The following FAT4 variants were observed in gnomAD, a reference collection of about 807,000 sequenced individuals.
FAT4 encodes the protein FAT atypical cadherin 4.
A neutral mutation model predicts 303.9 loss-of-function variants in FAT4; 84 were observed. The ratio of observed to expected loss-of-function variants is 0.28; its 90% CI spans 0.23 to 0.33. The LOEUF (loss-of-function observed/expected upper bound fraction) is 0.33. FAT4 is among the 10% of genes least tolerant of loss of function. FAT4 has a pLI of 1.00. For synonymous variants in FAT4, 2,307 were observed against 2,298.8 expected (o/e 1.00, Z -0.10); for missense variants, 6,005 against 6,146.8 (o/e 0.98, Z 0.77).
In FAT4 at chr4:125,404,254, C is replaced by T. The variant is rs966971078; in HGVS notation, c.5308-2626C>T. ...GGAAATGAAGCCTCAGTCTCTTGGG[C>T]CCCAACTGTATTCACAATCTGCCTT... On this transcript the variant is annotated intron_variant, in intron 3 of 17. Transcript: ENST00000394329. 6.6e-5 allele frequency among the ~76,000 whole-genome samples: 10 copies of T among 152,090 alleles called. No individual in the cohort carries two copies. The East Asian group carries it at 1.9e-3, about 30-fold the overall frequency.
chr4:125,457,483 A>G (rs1578668332), intron 10 of FAT4, among the ~76,000 whole-genome samples: 1 of 152,120 alleles, frequency 6.6e-6, no homozygotes, highest in African/African-American at 2.4e-5. Flanking sequence ...AGTGATTTAG[A>G]GGGAATGAAT....
chr4:125,390,770 C>T (rs961391518), intron 2 of FAT4, among the ~76,000 whole-genome samples: 4 of 152,076 alleles, frequency 2.6e-5, no homozygotes, highest in Non-Finnish European at 5.9e-5. Context: ...CAGAGATGGG[C>T]AATGTGTAGG....
Position 125,317,254 on chromosome 4 carries a change from C to T in FAT4, c.843C>T (p.Thr281=). The change falls in exon 2 of 18, where the codon ACC becomes ACT. Residue 281 remains threonine, a synonymous_variant. Transcript: ENST00000394329. The surrounding 1 kb of genome is among the most constrained non-coding windows in gnomAD (Gnocchi z 7.0). ...CGGCGGCGGACGCGGACGAGGGCACCAACGCGGACATCCGCTATCGCCTGC... is the reference window on the plus strand; with the variant it reads ...CGGCGGCGGACGCGGACGAGGGCACTAACGCGGACATCCGCTATCGCCTGC... ...QVAAADADEG[T]NADIRYRLQD... The T allele has an allele frequency of 6.3e-7, 1 of 1,579,814 alleles. No homozygotes were observed. The highest frequency in any genetic ancestry group is 8.6e-7 in the Non-Finnish European group (1 of 1,160,692).
chr4:125,393,939 G>A (rs1381188054), intron 2 of FAT4: 4 of 779,948 alleles, frequency 5.1e-6, no homozygotes, highest in Non-Finnish European at 9.6e-6. Context: ...TACCTAAATG[G>A]TAACAACGGT....
chr4:125,405,502 A>G (rs1402561385), intron 3 of FAT4, among the ~76,000 whole-genome samples: 1 of 150,376 alleles, frequency 6.6e-6, no homozygotes, highest in Non-Finnish European at 1.5e-5. Flanking sequence ...AGTATTTTTT[A>G]TATACTTGTT....
chr4:125,486,659 C>A (rs1727423340), intron 16 of FAT4, among the ~76,000 whole-genome samples: 1 of 152,142 alleles, frequency 6.6e-6, no homozygotes, highest in Non-Finnish European at 1.5e-5. Flanking sequence ...TGGGAGCACC[C>A]TGTTACCCAA....
chr4:125,377,006 A>C (rs1201842353), intron 2 of FAT4, among the ~76,000 whole-genome samples: 1 of 152,176 alleles, frequency 6.6e-6, no homozygotes, highest in African/African-American at 2.4e-5. Flanking sequence ...GAGCATAGTA[A>C]ATTTTCTCTT....
At chr4:125,370,200 G>A (rs1733053148) in intron 2 of FAT4, among the ~76,000 whole-genome samples, 1 of 151,834 alleles carries the variant, frequency 6.6e-6, no homozygotes, top group African/African-American at 2.4e-5. Context: ...TGTAAAATCA[G>A]GATGGAAATA....
At chr4:125,487,246 T>C in intron 16 of FAT4, 99 bp from the exon 17 acceptor site, 1 of 1,011,096 alleles carries the variant, frequency 9.9e-7, no homozygotes, top group Non-Finnish European at 1.4e-6. Context: ...CTATTCTATC[T>C]GCTGTGGACT....
chr4:125,491,592 C>T lies in FAT4; in HGVS notation c.14776C>T (p.Gln4926Ter). The T allele has an allele frequency of 6.2e-7, 1 of 1,614,200 alleles. No individual in the cohort carries two copies. Among genetic ancestry groups the T allele is most frequent in the African/African-American group, 1.3e-5 (1 of 75,062 alleles). The change falls in exon 18 of 18, where the codon CAA (glutamine) becomes TAA (stop). Residue 4926 changes from glutamine (Q) to a stop codon, truncating the protein, a stop_gained. Transcript: ENST00000394329. LOFTEE classifies it high-confidence loss of function. Reference sequence around the variant, plus strand: ...CACACTGCCCATGAAGCTAGGGCAGCAAGCAGGGACTTTCAACTGGGACAA... The same window carrying T: ...CACACTGCCCATGAAGCTAGGGCAGTAAGCAGGGACTTTCAACTGGGACAA... ...DNTLPMKLGQ[Q>*]AGTFNWDNLL...
chr4:125,346,203 T>A (rs1473010717), intron 2 of FAT4, among the ~76,000 whole-genome samples: 1 of 152,064 alleles, frequency 6.6e-6, no homozygotes, highest in Non-Finnish European at 1.5e-5. Flanking sequence ...TAAATGCAAA[T>A]CTTGGAAAGC....
Position 125,490,672 on chromosome 4 carries a change from T to C in FAT4, c.13856T>C (p.Ile4619Thr). 6.2e-7 allele frequency: 1 copy of C among 1,614,116 alleles called. No homozygotes were observed. Among genetic ancestry groups the C allele is most frequent in the Non-Finnish European group, 8.5e-7 (1 of 1,180,020 alleles). Residue 4619 changes from isoleucine to threonine, a missense_variant, in exon 18 of 18, where the codon ATA becomes ACA. Transcript: ENST00000394329. ...SAPLASPEQE[I>T]EHYDIDNASS... The stretch of plus-strand genomic sequence containing the variant: ...CCTTTGGCATCTCCAGAGCAGGAGA[T>C]AGAGCACTATGACATTGACAACGCC...
chr4:125,460,516 A>G (rs1045232443), intron 10 of FAT4, among the ~76,000 whole-genome samples: 2 of 151,902 alleles, frequency 1.3e-5, no homozygotes, highest in African/African-American at 4.8e-5. Flanking sequence ...GCTCCCACTT[A>G]TAAGTGAGAA....
In FAT4 at chr4:125,481,722, A is replaced by G. The variant is rs763019614; in HGVS notation, c.12806A>G (p.Asn4269Ser). The G allele has an allele frequency of 4.3e-6, 7 of 1,613,830 alleles. No individual in the cohort carries two copies. Among genetic ancestry groups the G allele is most frequent in the Non-Finnish European group, 5.9e-6 (7 of 1,179,850 alleles). ...GVLIHIQESS[N>S]YTTVKIKNGK... The stretch of plus-strand genomic sequence containing the variant: ...TTAATCCATATCCAAGAAAGCAGCA[A>G]TTACACTACTGTGAAGGTGAGATAA... The change falls in exon 16 of 18, where the codon AAT (asparagine) becomes AGT (serine). Residue 4269 changes from asparagine (N) to serine (S), a missense_variant. Asn to Ser is a conservative substitution (Grantham distance 46). Transcript: ENST00000394329.
At chr4:125,340,317 A>T (rs998180867) in intron 2 of FAT4, among the ~76,000 whole-genome samples, 3 of 152,202 alleles carry the variant, frequency 2.0e-5, no homozygotes, top group Admixed American at 2.0e-4. Context: ...AAGTTCTTGA[A>T]ACATATTTTA....
chr4:125,446,971 G>A (rs927110343), intron 9 of FAT4, among the ~76,000 whole-genome samples: 2 of 151,824 alleles, frequency 1.3e-5, no homozygotes, highest in Non-Finnish European at 2.9e-5. Context: ...GTTTGTCAGT[G>A]GAAAATGAAT....
chr4:125,387,501 C>T (rs1733799729), intron 2 of FAT4, among the ~76,000 whole-genome samples: 1 of 151,984 alleles, frequency 6.6e-6, no homozygotes, highest in South Asian at 2.1e-4. Context: ...TTTAAATTTT[C>T]TATTCTTAAA....
rs1391913928 is a variant in FAT4, at chr4:125,317,160, T to A, written c.749T>A (p.Phe250Tyr). The A allele has an allele frequency of 6.2e-7, 1 of 1,607,584 alleles. No homozygotes were observed. Among genetic ancestry groups the A allele is most frequent in the Admixed American group, 1.7e-5 (1 of 59,872 alleles). Reference protein sequence around the residue: ...VQDINDNPPVFGSSHYQAGVP... With the variant: ...VQDINDNPPVYGSSHYQAGVP... ...GACATTAATGACAACCCCCCGGTTT[T>A]TGGCAGTTCTCACTACCAGGCGGGG... is the stretch of plus-strand genomic sequence containing the variant. The change falls in exon 2 of 18, where the codon TTT (phenylalanine) becomes TAT (tyrosine). Residue 250 changes from phenylalanine to tyrosine, a missense_variant. Phe to Tyr is a conservative substitution (Grantham distance 22). Coordinates refer to ENST00000394329, the MANE Select transcript of FAT4 (RefSeq NM_001291303.3). This position sits in a 1 kb window ranked among gnomAD's most constrained non-coding sequence, Gnocchi z 7.0.
In FAT4 at chr4:125,449,943, G is replaced by C. The variant is rs1471474939; in HGVS notation, c.8933G>C (p.Ser2978Thr). The change falls in exon 10 of 18, where the codon AGT becomes ACT. Residue 2978 changes from serine (S) to threonine (T), a missense_variant. Physicochemically the swap from Ser to Thr is moderately conservative, Grantham distance 58. Coordinates refer to ENST00000394329, the MANE Select transcript of FAT4 (RefSeq NM_001291303.3). The stretch of plus-strand genomic sequence containing the variant: ...ACAGTTACCATCAATATAGTGGACA[G>C]TAATGACAATGCACCTCAATTTCTT... ...ETTVTINIVD[S>T]NDNAPQFLKS... 1 of 1,613,840 alleles carries C rather than the reference G, an allele frequency of 6.2e-7. No homozygotes were observed. Among genetic ancestry groups the C allele is most frequent in the Non-Finnish European group, 8.5e-7 (1 of 1,179,904 alleles).
Sources: allele counts gnomAD v4.1 joint callset (sites outside exome capture counted in the v4.1 genomes callset), GRCh38; gene constraint gnomAD v4.1.1; non-coding constraint Gnocchi (gnomAD v3.1); transcripts MANE v1.5; gene names NCBI Gene and HGNC (gene_info 2026-07-23, HGNC 2026-07-21).